Variants in KLF7 observed in about 807,000 individuals in gnomAD.
KLF7 encodes the protein KLF transcription factor 7, also known as Krueppel-like factor 7.
KLF7 carries 2 observed loss-of-function variants against 27.3 expected under a neutral mutation model. That is an observed-to-expected ratio of 0.07 (90% CI 0.03 to 0.23). KLF7 has a LOEUF of 0.23. Ranked by LOEUF, KLF7 falls within the 10% of genes least tolerant of loss-of-function variation. The pLI is 1.00. For missense variants in KLF7, 221 were observed against 394.1 expected, an observed-to-expected ratio of 0.56 and a Z score of 3.72; for synonymous variants, 165 against 162.4, an observed-to-expected ratio of 1.02 and a Z score of -0.12.
chr2:207,151,766 C>T (rs967723801), intron 1 of KLF7, among the ~76,000 whole-genome samples: 3 of 150,604 alleles, frequency 2.0e-5, no homozygotes, highest in Non-Finnish European at 4.4e-5. Flanking sequence ...TAGTAATAAT[C>T]TTGGGCCTTT....
chr2:207,168,482 C>G (rs1194275829), upstream of KLF7, among the ~76,000 whole-genome samples: 2 of 152,122 alleles, frequency 1.3e-5, no homozygotes, highest in Admixed American at 1.3e-4. Context: ...GGTTCAAATC[C>G]AAGAGCATCT....
At chr2:207,144,420 A>AT (rs1483930746) in intron 1 of KLF7, among the ~76,000 whole-genome samples, 1 of 152,056 alleles carries the variant, frequency 6.6e-6, no homozygotes, top group East Asian at 1.9e-4. Flanking sequence ...ACACTTATAC[A>AT]TTTTTTCACC....
upstream of KLF7, chr2:207,166,973 T>C: frequency 4.3e-6 from 2 of 461,320 alleles, no homozygotes; most frequent in Non-Finnish European, 5.7e-6. Flanking sequence ...CCGCGCCTCC[T>C]TCTGACCCCG....
chr2:207,129,255 G>A (rs2077559440), intron 1 of KLF7, among the ~76,000 whole-genome samples: 1 of 152,136 alleles, frequency 6.6e-6, no homozygotes, highest in Non-Finnish European at 1.5e-5. Flanking sequence ...CTCCAAATCG[G>A]AGTCAGCGAA....
At chr2:207,142,706 GCA>G (rs2077977502) in intron 1 of KLF7, among the ~76,000 whole-genome samples, 1 of 152,158 alleles carries the variant, frequency 6.6e-6, no homozygotes, top group South Asian at 2.1e-4. Context: ...TCTAAAAAGT[GCA>G]CACAGTGTGA....
intron 1 of KLF7, among the ~76,000 whole-genome samples, chr2:207,153,493 C>T (rs2106114148): frequency 6.6e-6 from 1 of 152,302 alleles, no homozygotes; most frequent in South Asian, 2.1e-4. Context: ...AAGTGAGACA[C>T]TTACCATGGC....
intron 1 of KLF7, among the ~76,000 whole-genome samples, chr2:207,125,151 A>C (rs1014735025): frequency 2.6e-5 from 4 of 152,246 alleles, no homozygotes; most frequent in African/African-American, 9.6e-5. Context: ...AAATTCAAAC[A>C]TAGCTATTTA....
chr2:207,165,813 C>A lies in KLF7; in HGVS notation c.-245G>T, dbSNP rs2078690466. The stretch of plus-strand genomic sequence containing the variant: ...AGGCATCCAGCGTGTACAGTGCAGA[C>A]GACTGCCAGGAAAAGGGGACTTCTC... On this transcript the variant is annotated 5_prime_UTR_variant, in exon 1 of 4. Transcript: ENST00000309446. The A allele has an allele frequency of 1.5e-6, 2 of 1,350,662 alleles. No individual in the cohort carries two copies. Among genetic ancestry groups the A allele is most frequent in the Non-Finnish European group, 9.5e-7 (1 of 1,049,638 alleles). 83.7% of individuals were successfully genotyped at this position (1,350,662 alleles called of 1,614,324 possible).
chr2:207,085,436 T>C (rs940788350), intron 3 of KLF7, among the ~76,000 whole-genome samples: 4 of 152,144 alleles, frequency 2.6e-5, no homozygotes, highest in Non-Finnish European at 5.9e-5. Flanking sequence ...AACTGAGCCC[T>C]ATCTACCACC....
intron 2 of KLF7, among the ~76,000 whole-genome samples, chr2:207,096,038 G>A (rs2076621118): frequency 6.6e-6 from 1 of 152,114 alleles, no homozygotes; most frequent in Non-Finnish European, 1.5e-5. Context: ...ATCGACTCAA[G>A]CTTAAAAGCT....
chr2:207,108,190 A>G (rs1311657487), intron 2 of KLF7, among the ~76,000 whole-genome samples: 1 of 152,214 alleles, frequency 6.6e-6, no homozygotes, highest in Non-Finnish European at 1.5e-5. Flanking sequence ...GAAAACCACA[A>G]AAACAAAAAT....
intron 2 of KLF7, among the ~76,000 whole-genome samples, chr2:207,111,658 T>C (rs2077041089): frequency 6.6e-6 from 1 of 152,212 alleles, no homozygotes; most frequent in South Asian, 2.1e-4. Flanking sequence ...GAATACCTCC[T>C]TTCTTCATTC....
chr2:207,140,963 A>G (rs1397697823), intron 1 of KLF7, among the ~76,000 whole-genome samples: 1 of 152,200 alleles, frequency 6.6e-6, no homozygotes, highest in African/African-American at 2.4e-5. Context: ...CACAGACAAA[A>G]GTCAGGATGA....
At chr2:207,111,879 A>G (rs2077047829) in intron 2 of KLF7, among the ~76,000 whole-genome samples, 1 of 152,174 alleles carries the variant, frequency 6.6e-6, no homozygotes, top group Non-Finnish European at 1.5e-5. Context: ...TTGCCAGACC[A>G]CAGTGAGGCC....
At chr2:207,150,824 T>G (rs915768906) in intron 1 of KLF7, among the ~76,000 whole-genome samples, 2 of 152,088 alleles carry the variant, frequency 1.3e-5, no homozygotes, top group Non-Finnish European at 2.9e-5. Context: ...TTTACTTGCC[T>G]CACTAAGGCA....
Position 207,106,528 on chromosome 2 carries a change from A to G in KLF7, c.733+17246T>C, listed in dbSNP as rs561295746. ...TTGCTATGAGCTGAGTGGATGGGCC[A>G]TTCAGCATTCATCGTCTGGTATTTA... On this transcript the variant is annotated intron_variant, in intron 2 of 3. Transcript: ENST00000309446. Among the ~76,000 whole-genome samples the G allele has an allele frequency of 2.0e-5, 3 of 152,314 alleles. No individual in the cohort carries two copies. The East Asian group carries it at 5.8e-4, about 29-fold the overall frequency.
upstream of KLF7, among the ~76,000 whole-genome samples, chr2:207,167,970 T>C (rs1237478196): frequency 1.3e-5 from 2 of 152,176 alleles, no homozygotes; most frequent in Non-Finnish European, 2.9e-5. Context: ...ATCTTGGAGA[T>C]AGAGGAAAGG....
At chr2:207,110,140 A>G (rs2076989035) in intron 2 of KLF7, 1 of 154,834 alleles carries the variant, frequency 6.5e-6, no homozygotes, top group South Asian at 2.0e-4. Flanking sequence ...AGCTCCTGAC[A>G]AAATGCAGAC....
In KLF7 at chr2:207,106,990, G is replaced by C. The variant is rs1264286643; in HGVS notation, c.733+16784C>G. On this transcript the variant is annotated intron_variant, in intron 2 of 3. Coordinates refer to ENST00000309446, the MANE Select transcript of KLF7 (RefSeq NM_003709.4). The stretch of plus-strand genomic sequence containing the variant: ...GCATGTCTACTCTTGGGATCTTCTA[G>C]GCTTCCACGTTCTCATGCCTAAGAT... Among the ~76,000 whole-genome samples, 3 of 152,076 alleles carry C rather than the reference G, an allele frequency of 2.0e-5. No homozygotes were observed. The East Asian group carries it at 5.8e-4, about 29-fold the overall frequency.
Sources: allele counts gnomAD v4.1 joint callset (sites outside exome capture counted in the v4.1 genomes callset), GRCh38; gene constraint gnomAD v4.1.1; transcripts MANE v1.5; gene names NCBI Gene and HGNC (gene_info 2026-07-23, HGNC 2026-07-21).